DMD: variants seen among roughly 807,000 people sequenced by gnomAD.
The protein encoded by DMD is mutant dystrophin.
In DMD, 63 loss-of-function variants were observed where a neutral mutation model predicts 330.1. The ratio of observed to expected loss-of-function variants is 0.19; its 90% CI spans 0.16 to 0.24. The LOEUF is 0.24. Among genes scored for constraint, DMD ranks in the 10% least tolerant of loss-of-function variants. The pLI, the probability that DMD is intolerant of heterozygous loss-of-function variation, is 1.00. For synonymous variants in DMD, 1,223 were observed against 959.8 expected (o/e 1.27, Z -5.07); for missense variants, 3,344 against 2,684.1 (o/e 1.25, Z -5.43).
chrX:33,182,577 C>T lies in DMD; in HGVS notation c.31+28705G>A, dbSNP rs1280319575. On this transcript the variant is annotated intron_variant, in intron 1 of 78. Transcript: ENST00000357033. ...GCATGAGCCACCACACCCAGCCACT[C>T]TGATTTCTGAGTCTTAATCAAAGTA... Among the ~76,000 whole-genome samples, 3 of 111,298 alleles carry T rather than the reference C, an allele frequency of 2.7e-5. No individual in the cohort carries two copies. The East Asian group carries it at 8.5e-4, about 31-fold the overall frequency.
chrX:32,052,334 A>G (rs191284267), intron 44 of DMD, among the ~76,000 whole-genome samples: 4 of 111,147 alleles, frequency 3.6e-5, no homozygotes, highest in African/African-American at 1.3e-4. Flanking sequence ...ATGAATCTTA[A>G]CACATGGATG....
chrX:32,254,228 G>A (rs1419141050), intron 43 of DMD, among the ~76,000 whole-genome samples: 1 of 111,400 alleles, frequency 9.0e-6, no homozygotes, highest in Non-Finnish European at 1.9e-5. Context: ...TTTTAGCAGA[G>A]ATGGGGTTTC....
At chrX:31,622,455 T>C (rs998648965) in intron 55 of DMD, among the ~76,000 whole-genome samples, 2 of 111,646 alleles carry the variant, frequency 1.8e-5, no homozygotes, top group South Asian at 3.8e-4. Context: ...GGATTGATAC[T>C]CATTAAAGTG....
At chrX:31,663,731 G>A (rs1211502467) in intron 53 of DMD, among the ~76,000 whole-genome samples, 2 of 110,622 alleles carry the variant, frequency 1.8e-5, no homozygotes, top group South Asian at 3.9e-4. Context: ...GCCTCTCTGC[G>A]GGGACCTTCT....
chrX:33,163,584 G>A (rs780417829), intron 1 of DMD, among the ~76,000 whole-genome samples: 16 of 85,480 alleles, frequency 1.9e-4, no homozygotes, highest in African/African-American at 8.6e-4. Context: ...ATGTATATGT[G>A]TATATATCTA....
At chrX:31,678,774 C>T (rs1397110999) in intron 53 of DMD, among the ~76,000 whole-genome samples, 2 of 111,471 alleles carry the variant, frequency 1.8e-5, no homozygotes, top group East Asian at 5.6e-4. Flanking sequence ...GAATTAAGCC[C>T]GAATGGTTGA....
intron 48 of DMD, among the ~76,000 whole-genome samples, chrX:31,849,757 A>G (rs1358943559): frequency 9.0e-6 from 1 of 110,945 alleles, no homozygotes; most frequent in Non-Finnish European, 1.9e-5. Context: ...ATGTGAATAA[A>G]TAGACATAAG....
chrX:32,211,705 GAAT>G (rs2097094368), intron 44 of DMD, among the ~76,000 whole-genome samples: 1 of 111,669 alleles, frequency 9.0e-6, no homozygotes, highest in African/African-American at 3.3e-5. Flanking sequence ...ATTTCAAATG[GAAT>G]ACCTTAAGAT....
intron 47 of DMD, among the ~76,000 whole-genome samples, chrX:31,888,624 T>C (rs1429226971): frequency 8.9e-6 from 1 of 111,956 alleles, no homozygotes; most frequent in Non-Finnish European, 1.9e-5. Context: ...GAACTAGACT[T>C]AGCAAAGATA....
At chrX:31,474,692 G>C (rs2067596089) in intron 59 of DMD, among the ~76,000 whole-genome samples, 1 of 99,575 alleles carries the variant, frequency 1.0e-5, no homozygotes, top group Non-Finnish European at 2.0e-5. Context: ...CTGGGTGACA[G>C]AGCGAGACTG....
At position 32,688,371 on chromosome X, in the gene DMD, T is replaced by C. The variant is rs754419354; in HGVS notation, c.960+9499A>G. On this transcript the variant is annotated intron_variant, in intron 9 of 78. Coordinates refer to ENST00000357033, the MANE Select transcript of DMD (RefSeq NM_004006.3). ...TATCATCTCTTCCAGAAACTCCAAA[T>C]ATCTTTACCAAATGTAAAAATGGAC... 3.2e-4 allele frequency among the ~76,000 whole-genome samples: 36 copies of C among 112,470 alleles called. 1 individual carries two copies. In the South Asian group the frequency reaches 0.013, roughly 40 times the overall value.
chrX:31,415,627 T>C (rs930952965), intron 60 of DMD, among the ~76,000 whole-genome samples: 3 of 112,279 alleles, frequency 2.7e-5, no homozygotes, highest in Non-Finnish European at 5.6e-5. Context: ...GAGACAAGGC[T>C]GGGTCTCAGT....
At chrX:33,224,569 C>A (rs2148876684) in intron 1 of DMD, among the ~76,000 whole-genome samples, 1 of 111,128 alleles carries the variant, frequency 9.0e-6, no homozygotes, top group East Asian at 2.8e-4. Context: ...GGTTAGTTGG[C>A]AGGGAGGCAT....
chrX:32,762,438 C>T (rs201567720), intron 7 of DMD, among the ~76,000 whole-genome samples: 1 of 111,477 alleles, frequency 9.0e-6, no homozygotes, highest in Non-Finnish European at 1.9e-5. Context: ...ACCAAACATT[C>T]TAGTAGGGGA....
chrX:32,418,829 C>G (rs1482208209), intron 29 of DMD, among the ~76,000 whole-genome samples: 1 of 108,056 alleles, frequency 9.3e-6, no homozygotes, highest in Non-Finnish European at 1.9e-5. Flanking sequence ...AAAAATTAGC[C>G]TGGCATGGTG....
At chrX:32,488,263 G>A (rs1052354210) in intron 20 of DMD, among the ~76,000 whole-genome samples, 1 of 111,565 alleles carries the variant, frequency 9.0e-6, no homozygotes. Flanking sequence ...CCAGAGTATG[G>A]TATCTCCTTT....
intron 9 of DMD, among the ~76,000 whole-genome samples, chrX:32,652,494 T>C (rs914231879): frequency 9.1e-6 from 1 of 110,415 alleles, no homozygotes; most frequent in Non-Finnish European, 1.9e-5. Context: ...GCATAGTATT[T>C]CATGGTGTAT....
rs753928836 is a variant in DMD, at chrX:32,090,586, C to T, written c.6439-122072G>A. Among the ~76,000 whole-genome samples, 16 of 111,687 alleles carry T rather than the reference C, an allele frequency of 1.4e-4. No individual in the cohort carries two copies. In the East Asian group the frequency reaches 4.6e-3, roughly 32 times the overall value. On this transcript the variant is annotated intron_variant, in intron 44 of 78. Coordinates refer to ENST00000357033, the MANE Select transcript of DMD (RefSeq NM_004006.3). ...CTCAAAGACATCTCATTCCTTGCTCCATTGCTTCTGATCATGAAGTCCGTT... is the reference window on the plus strand; with the variant it reads ...CTCAAAGACATCTCATTCCTTGCTCTATTGCTTCTGATCATGAAGTCCGTT...
At chrX:32,852,792 G>A (rs937818662) in intron 2 of DMD, among the ~76,000 whole-genome samples, 5 of 111,110 alleles carry the variant, frequency 4.5e-5, no homozygotes, top group African/African-American at 1.6e-4. Context: ...TAGCCATGGG[G>A]AAAAATTCCT....
Sources: gnomAD v4.1 joint callset for allele counts (sites outside exome capture counted in the v4.1 genomes callset) on GRCh38, gnomAD v4.1.1 for gene constraint, MANE v1.5 for transcripts, NCBI Gene and HGNC (gene_info 2026-07-23, HGNC 2026-07-21) for gene names.